Variants in LACC1 observed in about 807,000 individuals in gnomAD.
LACC1 encodes the protein purine nucleoside phosphorylase LACC1.
A neutral mutation model predicts 34.8 loss-of-function variants in LACC1; 25 were observed. The ratio of observed to expected loss-of-function variants is 0.72; its 90% CI spans 0.52 to 1.00. LACC1 has a LOEUF of 1.00. Among genes scored for constraint, LACC1 ranks in the 50% least tolerant of loss-of-function variants. LACC1 has a pLI of 0.00. For synonymous variants in LACC1, 162 were observed against 168.0 expected (o/e 0.96, Z 0.28); for missense variants, 426 against 511.2 (o/e 0.83, Z 1.61).
At chr13:43,882,542 TACAC>T (rs375149836) in intron 3 of LACC1, among the ~76,000 whole-genome samples, 179 bp downstream of exon 3, 43 of 133,928 alleles carry the variant, frequency 3.2e-4, no homozygotes, top group Non-Finnish European at 2.7e-4. Context: ...TTCTATTTTA[TACAC>T]ACACACACAC....
Position 43,883,752 on chromosome 13 carries a change from TGCACA to T in LACC1, c.742-18_742-14del. 6.4e-7 allele frequency: 1 copy of T among 1,573,314 alleles called. No homozygotes were observed. The highest frequency in any genetic ancestry group is 1.2e-5 in the South Asian group (1 of 84,938). ...AATACTATTTCCAAAACATTTTTGT[TGCACA>T]TTTTTGGTATTAGACTCATCATTCC... is the stretch of plus-strand genomic sequence containing the variant. On this transcript the variant is annotated splice_polypyrimidine_tract_variant and intron_variant, in intron 3 of 6. Transcript: ENST00000325686.
Position 43,881,120 on chromosome 13 carries a change from G to A in LACC1, c.135G>A (p.Met45Ile). ...CCAAGGCCAAGTTTCTCTGTATAATGTGTTGCAGTAACATCAGCTATGAAA... is the reference window on the plus strand; with the variant it reads ...CCAAGGCCAAGTTTCTCTGTATAATATGTTGCAGTAACATCAGCTATGAAA... ...HAAKAKFLCI[M>I]CCSNISYERD... The change falls in exon 2 of 7, where the codon ATG becomes ATA. Residue 45 changes from methionine (M) to isoleucine (I), a missense_variant. Physicochemically the swap from Met to Ile is conservative, Grantham distance 10 (BLOSUM62 1). Around this residue, in one of 2 missense-constraint regions of LACC1, gnomAD observed 217 missense variants for 210.9 expected, o/e 1.03. Transcript: ENST00000325686. 1 of 1,614,170 alleles carries A rather than the reference G, an allele frequency of 6.2e-7. No homozygotes were observed. Among genetic ancestry groups the A allele is most frequent in the East Asian group, 2.2e-5 (1 of 44,866 alleles).
At chr13:43,880,864 A>G in intron 1 of LACC1, 88 bp from the exon 2 acceptor site, 1 of 836,352 alleles carries the variant, frequency 1.2e-6, no homozygotes, top group South Asian at 1.9e-5. Context: ...AATCAGTGTA[A>G]TTACTTCGTT....
chr13:43,890,053 T>C, intron 5 of LACC1, 61 bp from the exon 6 acceptor site: 1 of 1,423,332 alleles, frequency 7.0e-7, no homozygotes, highest in Non-Finnish European at 9.6e-7. Flanking sequence ...CTTTTTTTCA[T>C]ATTGCTTTGG....
intron 4 of LACC1, among the ~76,000 whole-genome samples, chr13:43,885,454 A>G (rs931873606): frequency 1.3e-5 from 2 of 152,184 alleles, no homozygotes; most frequent in African/African-American, 4.8e-5. Flanking sequence ...ATAAAGCCAC[A>G]CACCTACAAC....
chr13:43,881,010 C>T lies in LACC1; in HGVS notation c.25C>T (p.Leu9Phe). The T allele has an allele frequency of 6.2e-7, 1 of 1,613,492 alleles. No individual in the cohort carries two copies. The change falls in exon 2 of 7, where the codon CTT becomes TTT. Residue 9 changes from leucine to phenylalanine, a missense_variant. Leu to Phe is a conservative substitution (Grantham distance 22). Around this residue, in one of 2 missense-constraint regions of LACC1, gnomAD observed 217 missense variants for 210.9 expected, o/e 1.03. Transcript: ENST00000325686. ...GATGGCAGAAGCTGTTTTGATTGAT[C>T]TTTTTGGTTTGAAATTGAACTCTCA... Reference protein sequence around the residue: MAEAVLIDLFGLKLNSQKN... With the variant: MAEAVLIDFFGLKLNSQKN...
chr13:43,888,752 A>T lies in LACC1; in HGVS notation c.908-5A>T. 6.2e-7 allele frequency: 1 copy of T among 1,609,984 alleles called. No homozygotes were observed. Among genetic ancestry groups the T allele is most frequent in the Non-Finnish European group, 8.5e-7 (1 of 1,176,422 alleles). ...CTCTTATCTCTTTTTATTCCTATTT[A>T]CCAGGTTGGAAAGGTACTTTGTTGG... On this transcript the variant is annotated splice_polypyrimidine_tract_variant and splice_region_variant and intron_variant, in intron 4 of 6. Coordinates refer to ENST00000325686, the MANE Select transcript of LACC1 (RefSeq NM_153218.4).
Position 43,891,649 on chromosome 13 carries a change from G to A in LACC1, c.*202G>A, listed in dbSNP as rs2138379832. 1 of 632,402 alleles carries A rather than the reference G, an allele frequency of 1.6e-6. No homozygotes were observed. Among genetic ancestry groups the A allele is most frequent in the Non-Finnish European group, 2.0e-6 (1 of 508,012 alleles). 39.2% of individuals were successfully genotyped at this position (632,402 alleles called of 1,614,324 possible). A position where few individuals can be genotyped will look rare whatever the true frequency, so the allele number is the denominator to read the frequency against. The stretch of plus-strand genomic sequence containing the variant: ...AACTGACAAAAATCAGTATGTTGTA[G>A]CTAATATGTTTTATGCATGAGAATT... On this transcript the variant is annotated 3_prime_UTR_variant, in exon 7 of 7. Transcript: ENST00000325686.
In LACC1 at chr13:43,883,847, G is replaced by T. The variant is rs776473008; in HGVS notation, c.818G>T (p.Arg273Ile). 2 of 1,613,850 alleles carry T rather than the reference G, an allele frequency of 1.2e-6. No individual in the cohort carries two copies. The highest frequency in any genetic ancestry group is 4.5e-5 in the East Asian group (2 of 44,866). The change falls in exon 4 of 7, where the codon AGA becomes ATA. Residue 273 changes from arginine to isoleucine, a missense_variant. Arg to Ile is a moderately conservative substitution (Grantham distance 97, BLOSUM62 -3). This residue lies in a region of LACC1 where 209 missense variants were observed against 300.3 expected (regional missense o/e 0.70). Coordinates refer to ENST00000325686, the MANE Select transcript of LACC1 (RefSeq NM_153218.4). The stretch of plus-strand genomic sequence containing the variant: ...TATGATGGAATAACCACAAATCAGA[G>T]AGGAGTCACAATAGCAGCTCTTGGT... The part of the protein sequence containing the change: ...DSYDGITTNQ[R>I]GVTIAALGAD...
chr13:43,885,979 C>A (rs565567559), intron 4 of LACC1, among the ~76,000 whole-genome samples: 1 of 151,842 alleles, frequency 6.6e-6, no homozygotes, highest in African/African-American at 2.4e-5. Context: ...AAGACTTACA[C>A]GTGGTCAACA....
chr13:43,881,553 T>C lies in LACC1; in HGVS notation c.562+6T>C. ...CACTTCTTCTTTGATCCCAGGTATA[T>C]TAACCACTAACTGTTGTTTTTACTT... On this transcript the variant is annotated splice_donor_region_variant and intron_variant, in intron 2 of 6. Transcript: ENST00000325686. 3 of 1,572,492 alleles carry C rather than the reference T, an allele frequency of 1.9e-6. No individual in the cohort carries two copies. Among genetic ancestry groups the C allele is most frequent in the Non-Finnish European group, 2.6e-6 (3 of 1,159,636 alleles).
intron 3 of LACC1, among the ~76,000 whole-genome samples, 154 bp from the exon 4 acceptor site, chr13:43,883,617 G>A (rs939404143): frequency 7.2e-5 from 11 of 152,100 alleles, no homozygotes; most frequent in Non-Finnish European, 8.8e-5. Context: ...AGTAAATTTT[G>A]TGTTTTCCCA....
At position 43,893,251 on chromosome 13, in the gene LACC1, C is replaced by T. The variant is rs1190492787; in HGVS notation, c.*1804C>T. 1 of 152,020 alleles carries T rather than the reference C, an allele frequency of 6.6e-6. No individual in the cohort carries two copies. The allele number at this position is 152,020 out of a possible 1,614,324, so 9.4% of individuals were successfully genotyped here. A position where few individuals can be genotyped will look rare whatever the true frequency, so the allele number is the denominator to read the frequency against. ...TGTACATTGCCTCATTTTACCTTTACAGCTACTCTGAAATACACAGGCATT... is the reference window on the plus strand; with the variant it reads ...TGTACATTGCCTCATTTTACCTTTATAGCTACTCTGAAATACACAGGCATT... On this transcript the variant is annotated 3_prime_UTR_variant, in exon 7 of 7. Coordinates refer to ENST00000325686, the MANE Select transcript of LACC1 (RefSeq NM_153218.4).
chr13:43,882,004 T>C (rs148809767), intron 2 of LACC1, among the ~76,000 whole-genome samples, 181 bp from the exon 3 acceptor site: 38 of 152,232 alleles, frequency 2.5e-4, no homozygotes, highest in Non-Finnish European at 4.7e-4. Context: ...AGAGCAACAA[T>C]CTCATAGGGA....
rs780422485 is a variant in LACC1 at position 43,893,572 on chromosome 13, C to T, written c.*2125C>T. On this transcript the variant is annotated 3_prime_UTR_variant, in exon 7 of 7. Transcript: ENST00000325686. Reference sequence around the variant, plus strand: ...AAGTGACAGTCAGTAAACCAACAATCTCAATACTTTGATATATGTTGTGAG... The same window carrying T: ...AAGTGACAGTCAGTAAACCAACAATTTCAATACTTTGATATATGTTGTGAG... The T allele has an allele frequency of 1.3e-5, 2 of 151,934 alleles. No homozygotes were observed. The highest frequency in any genetic ancestry group is 4.8e-5 in the African/African-American group (2 of 41,420). 9.4% of individuals were successfully genotyped at this position (151,934 alleles called of 1,614,324 possible).
intron 5 of LACC1, among the ~76,000 whole-genome samples, chr13:43,889,694 G>C (rs1423720708): frequency 6.6e-6 from 1 of 152,188 alleles, no homozygotes; most frequent in African/African-American, 2.4e-5. Context: ...TGTTCATGGA[G>C]AAGCAAGTTT....
rs1030628722 is a variant in LACC1 at position 43,891,946 on chromosome 13, C to T, written c.*499C>T. Reference sequence around the variant, plus strand: ...AGAGAAAATATTACAGAGAAAATCACATATCACATGGGCTCGAAAGATGTA... The same window carrying T: ...AGAGAAAATATTACAGAGAAAATCATATATCACATGGGCTCGAAAGATGTA... On this transcript the variant is annotated 3_prime_UTR_variant, in exon 7 of 7. Transcript: ENST00000325686. 3.9e-5 allele frequency: 6 copies of T among 152,088 alleles called. No individual in the cohort carries two copies. Among genetic ancestry groups the T allele is most frequent in the African/African-American group, 7.2e-5 (3 of 41,420 alleles). The allele number at this position is 152,088 out of a possible 1,614,324, so 9.4% of individuals were successfully genotyped here. A position where few individuals can be genotyped will look rare whatever the true frequency, so the allele number is the denominator to read the frequency against.
chr13:43,888,403 T>C (rs1955428794), intron 4 of LACC1, among the ~76,000 whole-genome samples: 1 of 152,196 alleles, frequency 6.6e-6, no homozygotes, highest in Admixed American at 6.5e-5. Context: ...ACTACTGAAC[T>C]GTATACTTAG....
chr13:43,882,254 A>G lies in LACC1; in HGVS notation c.632A>G (p.Asn211Ser), dbSNP rs765524994. Residue 211 changes from asparagine to serine, a missense_variant, in exon 3 of 7, where the codon AAT (asparagine) becomes AGT (serine). Physicochemically the swap from Asn to Ser is conservative, Grantham distance 46. Around this residue, in one of 2 missense-constraint regions of LACC1, gnomAD observed 209 missense variants for 300.3 expected, o/e 0.70. Transcript: ENST00000325686. ...ISYIPTLSSFNLFSSSKRRDP... is the reference protein window; with the variant it reads ...ISYIPTLSSFSLFSSSKRRDP... ...TATATACCAACTCTTAGCTCATTCA[A>G]TCTCTTCAGTAGTTCCAAACGGAGA... is the stretch of plus-strand genomic sequence containing the variant. 14 of 1,613,526 alleles carry G rather than the reference A, an allele frequency of 8.7e-6. No homozygotes were observed. The highest frequency in any genetic ancestry group is 2.7e-5 in the African/African-American group (2 of 74,908).
Sources: gnomAD v4.1 joint callset for allele counts (sites outside exome capture counted in the v4.1 genomes callset) on GRCh38, gnomAD v4.1.1 for gene constraint, gnomAD v4.1.1 regional missense constraint, MANE v1.5 for transcripts, NCBI Gene and HGNC (gene_info 2026-07-23, HGNC 2026-07-21) for gene names.